Variants in JAM3 observed in about 807,000 individuals in gnomAD.
JAM3 encodes junctional adhesion molecule 3.
Under a neutral mutation model 39.4 loss-of-function variants are expected in JAM3, and 31 were observed. That is an observed-to-expected ratio of 0.79 (90% CI 0.59 to 1.06). The LOEUF (loss-of-function observed/expected upper bound fraction) is 1.06. Ranked by LOEUF, JAM3 falls within the 50% of genes least tolerant of loss-of-function variation. The pLI, the probability that JAM3 is intolerant of heterozygous loss-of-function variation, is 0.00. For missense variants in JAM3, 455 were observed against 391.4 expected (o/e 1.16, Z -1.37); for synonymous variants, 182 against 148.7 (o/e 1.22, Z -1.63).
chr11:134,129,571 A>G (rs1942724950), intron 1 of JAM3, among the ~76,000 whole-genome samples: 1 of 152,212 alleles, frequency 6.6e-6, no homozygotes, highest in Non-Finnish European at 1.5e-5. Flanking sequence ...CCTAGATAGC[A>G]AGTAGAATAA....
At chr11:134,124,487 A>G (rs1414931221) in intron 1 of JAM3, among the ~76,000 whole-genome samples, 1 of 152,214 alleles carries the variant, frequency 6.6e-6, no homozygotes, top group Admixed American at 6.5e-5. Context: ...TTCCTTATGA[A>G]GCTTCTGTCT....
At chr11:134,137,727 G>C (rs1942894665) in intron 1 of JAM3, among the ~76,000 whole-genome samples, 1 of 144,360 alleles carries the variant, frequency 6.9e-6, no homozygotes, top group African/African-American at 2.6e-5. Context: ...CTTAGAGCCA[G>C]TGGTGGCGTC....
intron 1 of JAM3, among the ~76,000 whole-genome samples, chr11:134,137,223 A>C (rs893794585): frequency 3.9e-5 from 6 of 152,206 alleles, no homozygotes; most frequent in African/African-American, 1.4e-4. Flanking sequence ...AGTTGTAAGA[A>C]ACAAATTGGT....
chr11:134,129,689 G>A (rs931222406), intron 1 of JAM3, among the ~76,000 whole-genome samples: 1 of 152,140 alleles, frequency 6.6e-6, no homozygotes, highest in Non-Finnish European at 1.5e-5. Context: ...AAAAATTGGA[G>A]TATGCAAAAT....
chr11:134,134,478 AAGAC>A (rs1254894847), intron 1 of JAM3, among the ~76,000 whole-genome samples: 1 of 149,104 alleles, frequency 6.7e-6, no homozygotes, highest in African/African-American at 2.6e-5. Flanking sequence ...AAAACATAAG[AAGAC>A]AGAGGGGAAA....
chr11:134,118,961 C>G (rs1487681639), intron 1 of JAM3, among the ~76,000 whole-genome samples: 2 of 137,712 alleles, frequency 1.5e-5, no homozygotes, highest in Non-Finnish European at 3.0e-5. Flanking sequence ...GATTTGTGCT[C>G]AAGAAATCTT....
In JAM3 at chr11:134,149,348, A is replaced by C. The variant is rs1160845648; in HGVS notation, c.*167A>C. ...ACTACTCTTCTTACTCTAACAAGCCACATGAATAGAAGAATTTTCCTCAAG... is the reference window on the plus strand; with the variant it reads ...ACTACTCTTCTTACTCTAACAAGCCCCATGAATAGAAGAATTTTCCTCAAG... On this transcript the variant is annotated 3_prime_UTR_variant, in exon 9 of 9. Transcript: ENST00000299106. 2.7e-6 allele frequency: 2 copies of C among 737,772 alleles called. No homozygotes were observed. The highest frequency in any genetic ancestry group is 3.5e-5 in the African/African-American group (2 of 57,182). 45.7% of individuals were successfully genotyped at this position (737,772 alleles called of 1,614,324 possible).
At chr11:134,115,896 CAAAAT>C (rs1942420871) in intron 1 of JAM3, among the ~76,000 whole-genome samples, 1 of 151,842 alleles carries the variant, frequency 6.6e-6, no homozygotes, top group Non-Finnish European at 1.5e-5. Flanking sequence ...GACCATGTCT[CAAAAT>C]AAATAAATAA....
At chr11:134,144,444 C>A (rs1565505507) in intron 4 of JAM3, 51 bp downstream of exon 4, 2 of 1,598,346 alleles carry the variant, frequency 1.3e-6, no homozygotes, top group Admixed American at 1.7e-5. Flanking sequence ...TGCAAGAGAT[C>A]AGTTAGTGTC....
intron 1 of JAM3, among the ~76,000 whole-genome samples, chr11:134,098,993 A>C (rs1942030028): frequency 6.6e-6 from 1 of 152,120 alleles, no homozygotes; most frequent in South Asian, 2.1e-4. Flanking sequence ...TGAGCCCAGG[A>C]GTTCAAGACC....
At chr11:134,144,469 T>C (rs1943032695) in intron 4 of JAM3, 76 bp downstream of exon 4, 1 of 1,547,298 alleles carries the variant, frequency 6.5e-7, no homozygotes, top group Admixed American at 1.7e-5. Context: ...TTTCTTTCCT[T>C]CTAGAACTGT....
At chr11:134,121,224 G>A (rs1024572890) in intron 1 of JAM3, among the ~76,000 whole-genome samples, 1 of 152,216 alleles carries the variant, frequency 6.6e-6, no homozygotes, top group Non-Finnish European at 1.5e-5. Flanking sequence ...CATATAACTT[G>A]TCTGGCATCA....
At chr11:134,108,453 G>A (rs989280992) in intron 1 of JAM3, among the ~76,000 whole-genome samples, 15 of 152,152 alleles carry the variant, frequency 9.9e-5, no homozygotes, top group Admixed American at 9.8e-4. Context: ...GAATTACCCT[G>A]ATATCAAAAC....
intron 1 of JAM3, among the ~76,000 whole-genome samples, chr11:134,119,206 A>G (rs1336951695): frequency 2.6e-5 from 4 of 152,122 alleles, no homozygotes; most frequent in Non-Finnish European, 5.9e-5. Context: ...GATCACAGGC[A>G]TGAGTCAGCA....
In JAM3 at chr11:134,076,833, CTT is replaced by C. The variant is rs71038556; in HGVS notation, c.76+7693_76+7694del. Among the ~76,000 whole-genome samples the C allele has an allele frequency of 2.3e-3, 273 of 118,518 alleles. 6 individuals carry two copies. The highest frequency in any genetic ancestry group is 6.7e-3 in the African/African-American group (200 of 29,822). The allele number at this position is 118,518 out of a possible 152,430, so 77.8% of individuals were successfully genotyped here. A position where few individuals can be genotyped will look rare whatever the true frequency, so the allele number is the denominator to read the frequency against. ...TTTGCAATCTCACTAACATCTATTGCTTTTTTTTTTTTTTTTTTTTGAGATGG... is the reference window on the plus strand; with the variant it reads ...TTTGCAATCTCACTAACATCTATTGCTTTTTTTTTTTTTTTTTTGAGATGG... On this transcript the variant is annotated intron_variant, in intron 1 of 8. Coordinates refer to ENST00000299106, the MANE Select transcript of JAM3 (RefSeq NM_032801.5).
intron 1 of JAM3, 122 bp from the exon 2 acceptor site, chr11:134,139,729 T>C: frequency 3.9e-6 from 3 of 779,180 alleles, no homozygotes; most frequent in Non-Finnish European, 6.9e-6. Context: ...TTGTGGAATA[T>C]TTTTCCATCC....
chr11:134,127,524 C>A lies in JAM3; in HGVS notation c.77-12327C>A, dbSNP rs1055804988. On this transcript the variant is annotated intron_variant, in intron 1 of 8. Transcript: ENST00000299106. ...GACCAGCCTGGCCAACATGGTGAAACCCCGTTTCTATTAAAAATACAAAAA... is the reference window on the plus strand; with the variant it reads ...GACCAGCCTGGCCAACATGGTGAAAACCCGTTTCTATTAAAAATACAAAAA... 4.6e-5 allele frequency among the ~76,000 whole-genome samples: 7 copies of A among 152,108 alleles called. No homozygotes were observed. In the East Asian group the frequency reaches 1.4e-3, roughly 29 times the overall value.
At position 134,132,263 on chromosome 11, in the gene JAM3, G is replaced by A. The variant is rs181776065; in HGVS notation, c.77-7588G>A. ...CAGAAACCTTGGAGGCCAGAAGGAA[G>A]TGGGGTGATATATTTAAAGTGCTGC... On this transcript the variant is annotated intron_variant, in intron 1 of 8. Coordinates refer to ENST00000299106, the MANE Select transcript of JAM3 (RefSeq NM_032801.5). Among the ~76,000 whole-genome samples the A allele has an allele frequency of 3.3e-5, 5 of 152,318 alleles. No individual in the cohort carries two copies. The East Asian group carries it at 9.7e-4, about 29-fold the overall frequency.
intron 1 of JAM3, among the ~76,000 whole-genome samples, chr11:134,132,326 A>G (rs1199474588): frequency 6.6e-6 from 1 of 152,232 alleles, no homozygotes; most frequent in Non-Finnish European, 1.5e-5. Context: ...TATATCCAGC[A>G]AAACCATCCT....
Sources: allele counts gnomAD v4.1 joint callset (sites outside exome capture counted in the v4.1 genomes callset), GRCh38; gene constraint gnomAD v4.1.1; transcripts MANE v1.5; gene names NCBI Gene and HGNC (gene_info 2026-07-23, HGNC 2026-07-21).